PTP4A3: variants seen among roughly 807,000 people sequenced by gnomAD.
PTP4A3 encodes the protein protein tyrosine phosphatase 4A3.
Under a neutral mutation model 15.2 loss-of-function variants are expected in PTP4A3, and 9 were observed. That is an observed-to-expected ratio of 0.59 (90% CI 0.36 to 1.03). The LOEUF (loss-of-function observed/expected upper bound fraction) is 1.03. Ranked by LOEUF, PTP4A3 falls within the 50% of genes least tolerant of loss-of-function variation. PTP4A3 has a pLI of 0.02. For synonymous variants in PTP4A3, 95 were observed against 102.0 expected (o/e 0.93, Z 0.41); for missense variants, 234 against 252.1 (o/e 0.93, Z 0.49).
At chr8:141,395,556 C>T (rs1230865848) in intron 1 of PTP4A3, among the ~76,000 whole-genome samples, 2 of 134,526 alleles carry the variant, frequency 1.5e-5, no homozygotes, top group African/African-American at 5.5e-5. Context: ...CCAGTGCACC[C>T]CCACTTCCCC....
intron 1 of PTP4A3, among the ~76,000 whole-genome samples, chr8:141,398,706 G>A (rs1258580684): frequency 6.6e-6 from 1 of 152,106 alleles, no homozygotes; most frequent in Non-Finnish European, 1.5e-5. Flanking sequence ...CTCTTGCCTT[G>A]TTCTCCCCAG....
intron 1 of PTP4A3, among the ~76,000 whole-genome samples, chr8:141,394,812 G>C (rs1158559341): frequency 6.6e-6 from 1 of 152,272 alleles, no homozygotes; most frequent in Non-Finnish European, 1.5e-5. Flanking sequence ...GTTCAGAGTT[G>C]GGTGGGAGTG....
At chr8:141,418,385 G>T (rs1833154217) in intron 1 of PTP4A3, among the ~76,000 whole-genome samples, 1 of 152,356 alleles carries the variant, frequency 6.6e-6, no homozygotes, top group Admixed American at 6.5e-5. Context: ...CCTCTTCTGT[G>T]CAGGGCGCTG....
At chr8:141,430,818 C>G (rs563096703) in intron 5 of PTP4A3, 109 bp from the exon 6 acceptor site, 1 of 1,050,042 alleles carries the variant, frequency 9.5e-7, no homozygotes, top group Non-Finnish European at 1.4e-6. Context: ...TGGCCAGCCT[C>G]AAGGCCTTAC....
intron 1 of PTP4A3, among the ~76,000 whole-genome samples, chr8:141,417,020 G>A (rs1360445521): frequency 6.6e-6 from 1 of 152,184 alleles, no homozygotes; most frequent in Non-Finnish European, 1.5e-5. Flanking sequence ...GCCAGGGCGG[G>A]CACAGAGTGG....
intron 1 of PTP4A3, among the ~76,000 whole-genome samples, chr8:141,396,131 T>A (rs1832445491): frequency 6.6e-6 from 1 of 152,172 alleles, no homozygotes; most frequent in Non-Finnish European, 1.5e-5. Context: ...GCCTGGTGAT[T>A]GCGGTACAGC....
intron 1 of PTP4A3, among the ~76,000 whole-genome samples, chr8:141,414,494 C>A (rs1281420301): frequency 6.6e-6 from 1 of 151,866 alleles, no homozygotes. Flanking sequence ...ACAGAGGGCA[C>A]GTGGGAGCAG....
At chr8:141,427,914 T>G (rs759942603) in intron 5 of PTP4A3, 90 bp downstream of exon 5, 12 of 1,252,714 alleles carry the variant, frequency 9.6e-6, no homozygotes, top group African/African-American at 1.5e-5. Context: ...GGCTGTGTGG[T>G]TCCGTCGCTC....
intron 5 of PTP4A3, 31 bp downstream of exon 5, chr8:141,427,855 G>C: frequency 6.5e-7 from 1 of 1,539,112 alleles, no homozygotes; most frequent in East Asian, 2.5e-5. Context: ...GGTGGGCTGT[G>C]AGCGCTGGGG....
At chr8:141,422,422 C>T in intron 2 of PTP4A3, 77 bp downstream of exon 2, 1 of 1,514,416 alleles carries the variant, frequency 6.6e-7, no homozygotes, top group Non-Finnish European at 9.1e-7. Context: ...TCAGGCCTCG[C>T]AAGAGGGGTC....
chr8:141,426,384 G>A, intron 3 of PTP4A3: 1 of 959,936 alleles, frequency 1.0e-6, no homozygotes, highest in Non-Finnish European at 1.2e-6. Flanking sequence ...AGGAGCAATG[G>A]GCCGGGGCCC....
At chr8:141,424,913 T>G in intron 2 of PTP4A3, 135 bp from the exon 3 acceptor site, 1 of 697,978 alleles carries the variant, frequency 1.4e-6, no homozygotes, top group Non-Finnish European at 2.4e-6. Flanking sequence ...CCCCGAGAGG[T>G]CTGAGGGGAC....
In PTP4A3 at chr8:141,417,390, C is replaced by T. The variant is rs532771909; in HGVS notation, c.-853-3998C>T. Among the ~76,000 whole-genome samples, 272 of 152,230 alleles carry T rather than the reference C, an allele frequency of 1.8e-3. 1 individual carries two copies. The highest frequency in any genetic ancestry group is 6.4e-3 in the African/African-American group (265 of 41,544). On this transcript the variant is annotated intron_variant, in intron 1 of 5. Transcript: ENST00000521578. ...CTGAGTAAATTCATGGAGGAGTGCCCGGGCGGTGGGGCTGGTGGGCTGGGC... is the reference window on the plus strand; with the variant it reads ...CTGAGTAAATTCATGGAGGAGTGCCTGGGCGGTGGGGCTGGTGGGCTGGGC...
chr8:141,411,185 C>T (rs1048642017), intron 1 of PTP4A3, among the ~76,000 whole-genome samples: 2 of 152,204 alleles, frequency 1.3e-5, no homozygotes, highest in Non-Finnish European at 2.9e-5. Flanking sequence ...TCTGCCCCCT[C>T]TTGATTGTTT....
chr8:141,421,717 C>T lies in PTP4A3; in HGVS notation c.-524C>T, dbSNP rs922983103. On this transcript the variant is annotated 5_prime_UTR_variant, in exon 2 of 6. Coordinates refer to ENST00000521578, the MANE Select transcript of PTP4A3 (RefSeq NM_032611.3). ...GTTGGTTCAGTTCAAGTTCATTCTT[C>T]CTCTGGCCCTTGGGGGCTTGGGGCC... 9 of 155,804 alleles carry T rather than the reference C, an allele frequency of 5.8e-5. No individual in the cohort carries two copies. Among genetic ancestry groups the T allele is most frequent in the African/African-American group, 2.2e-4 (9 of 41,496 alleles). 9.7% of individuals were successfully genotyped at this position (155,804 alleles called of 1,614,324 possible). A position where few individuals can be genotyped will look rare whatever the true frequency, so the allele number is the denominator to read the frequency against.
intron 1 of PTP4A3, among the ~76,000 whole-genome samples, chr8:141,394,987 AG>A (rs1217888378): frequency 2.0e-5 from 3 of 152,122 alleles, no homozygotes; most frequent in Admixed American, 2.0e-4. Context: ...CCCTGGAGAG[AG>A]GGGGGCCTCC....
At position 141,425,913 on chromosome 8, in the gene PTP4A3, G is replaced by C. The variant is rs79069823; in HGVS notation, c.198+773G>C. ...CCGCCTCTGCCCTCCCCAGCCTTGC[G>C]ACCCTGCAGGTCACTCCGAGCCTTG... On this transcript the variant is annotated intron_variant, in intron 3 of 5. Coordinates refer to ENST00000521578, the MANE Select transcript of PTP4A3 (RefSeq NM_032611.3). The surrounding 1 kb of genome is among the most constrained non-coding windows in gnomAD (Gnocchi z 4.2). 0.032 allele frequency among the ~76,000 whole-genome samples: 4,826 copies of C among 152,278 alleles called. 238 individuals carry two copies. Among genetic ancestry groups the C allele is most frequent in the African/African-American group, 0.11 (4,567 of 41,532 alleles).
chr8:141,425,222 G>A lies in PTP4A3; in HGVS notation c.198+82G>A. 2.9e-6 allele frequency: 4 copies of A among 1,370,584 alleles called. No individual in the cohort carries two copies. The highest frequency in any genetic ancestry group is 4.0e-6 in the Non-Finnish European group (4 of 991,310). The allele number at this position is 1,370,584 out of a possible 1,614,324, so 84.9% of individuals were successfully genotyped here. A position where few individuals can be genotyped will look rare whatever the true frequency, so the allele number is the denominator to read the frequency against. On this transcript the variant is annotated intron_variant, in intron 3 of 5. Coordinates refer to ENST00000521578, the MANE Select transcript of PTP4A3 (RefSeq NM_032611.3). This position sits in a 1 kb window ranked among gnomAD's most constrained non-coding sequence, Gnocchi z 4.2. ...GGGGGGCTCCGGGCCTGCGCAGAGG[G>A]TTTGGTGCCCCTCCTGTGGCAGCCC...
rs890928495 is a variant in PTP4A3 at position 141,425,426 on chromosome 8, G to A, written c.198+286G>A. ...TGCTTGGTGCATCGGCCAAGGTGGC[G>A]GGTGGGCTCCTCTGCCTGTCTCAGG... On this transcript the variant is annotated intron_variant, in intron 3 of 5. Coordinates refer to ENST00000521578, the MANE Select transcript of PTP4A3 (RefSeq NM_032611.3). The surrounding 1 kb of genome is among the most constrained non-coding windows in gnomAD (Gnocchi z 4.2). Among the ~76,000 whole-genome samples the A allele has an allele frequency of 2.0e-5, 3 of 152,140 alleles. No homozygotes were observed. The highest frequency in any genetic ancestry group is 7.2e-5 in the African/African-American group (3 of 41,448).
Sources: allele counts gnomAD v4.1 joint callset (sites outside exome capture counted in the v4.1 genomes callset), GRCh38; gene constraint gnomAD v4.1.1; non-coding constraint Gnocchi (gnomAD v3.1); transcripts MANE v1.5; gene names NCBI Gene and HGNC (gene_info 2026-07-23, HGNC 2026-07-21).